RIOK2: variants seen among roughly 807,000 people sequenced by gnomAD.
RIOK2 encodes the protein serine/threonine-protein kinase RIO2.
In RIOK2, 46 loss-of-function variants were observed where a neutral mutation model predicts 62.4. That is an observed-to-expected ratio of 0.74 (90% CI 0.58 to 0.94). The LOEUF (loss-of-function observed/expected upper bound fraction) is 0.94, where lower values mean the gene tolerates loss of function less well. Ranked by LOEUF, RIOK2 falls within the 40% of genes least tolerant of loss-of-function variation. The pLI, the probability that RIOK2 is intolerant of heterozygous loss-of-function variation, is 0.00. For missense variants in RIOK2, 574 were observed against 658.0 expected (o/e 0.87, Z 1.40); for synonymous variants, 197 against 216.0 (o/e 0.91, Z 0.77).
intron 4 of RIOK2, among the ~76,000 whole-genome samples, chr5:97,175,219 T>C (rs566377163): frequency 6.6e-6 from 1 of 152,350 alleles, no homozygotes; most frequent in African/African-American, 2.4e-5. Flanking sequence ...TTGCTTACCT[T>C]CTGTGAACAA....
intron 8 of RIOK2, chr5:97,166,321 T>A (rs1748840674): frequency 2.2e-6 from 1 of 455,978 alleles, no homozygotes; most frequent in African/African-American, 2.0e-5. Flanking sequence ...CTGATTTAAT[T>A]TTCCAAGTTT....
intron 2 of RIOK2, chr5:97,178,799 T>C (rs1453887504): frequency 4.0e-6 from 2 of 497,576 alleles, no homozygotes; most frequent in Non-Finnish European, 7.2e-6. Flanking sequence ...TGCAGTACTC[T>C]ACGTGCTCTT....
intron 3 of RIOK2, 29 bp from the exon 4 acceptor site, chr5:97,177,320 T>C (rs1174033443): frequency 2.6e-6 from 4 of 1,561,846 alleles, no homozygotes; most frequent in Non-Finnish European, 3.5e-6. Context: ...AAACAACCAT[T>C]ATTACACGTT....
Position 97,171,916 on chromosome 5 carries a change from G to T in RIOK2, c.588-519C>A, listed in dbSNP as rs192895687. On this transcript the variant is annotated intron_variant, in intron 5 of 9. Transcript: ENST00000283109. ...AGATCACCCTTGTTGAGACTACAAT[G>T]ACTTCAATGTTGCTAAATCCAAAGG... Among the ~76,000 whole-genome samples the T allele has an allele frequency of 3.8e-3, 581 of 152,250 alleles. 3 individuals carry two copies. The highest frequency in any genetic ancestry group is 6.8e-3 in the Middle Eastern group (2 of 294).
intron 8 of RIOK2, chr5:97,167,013 T>A (rs1186922203): frequency 4.3e-6 from 2 of 468,918 alleles, no homozygotes; most frequent in African/African-American, 4.3e-5. Flanking sequence ...GCCTCCCAGG[T>A]TCAAGTGATT....
rs749282395 is a variant in RIOK2 at position 97,167,992 on chromosome 5, C to T, written c.873-1G>A. 4.5e-6 allele frequency: 7 copies of T among 1,571,672 alleles called. No individual in the cohort carries two copies. The highest frequency in any genetic ancestry group is 6.0e-6 in the Non-Finnish European group (7 of 1,168,302). On this transcript the variant is annotated splice_acceptor_variant, in intron 7 of 9. Coordinates refer to ENST00000283109, the MANE Select transcript of RIOK2 (RefSeq NM_018343.3). LOFTEE classifies it high-confidence loss of function. ...CTCCACATCAAGAGTGTCTTCTCTCCTAGAAAAAAAAGGCGTCAAGCATAG... is the reference window on the plus strand; with the variant it reads ...CTCCACATCAAGAGTGTCTTCTCTCTTAGAAAAAAAAGGCGTCAAGCATAG...
chr5:97,164,984 G>T, intron 9 of RIOK2, 67 bp downstream of exon 9: 2 of 1,040,866 alleles, frequency 1.9e-6, no homozygotes, highest in South Asian at 1.6e-5. Flanking sequence ...ATTGTTTAAT[G>T]AGACAAGGCA....
chr5:97,179,990 AAAAT>A (rs1344768411), intron 1 of RIOK2, among the ~76,000 whole-genome samples: 2 of 46,286 alleles, frequency 4.3e-5, no homozygotes, highest in South Asian at 6.2e-4. Flanking sequence ...ATATATATAT[AAAAT>A]ATATATATAT....
In RIOK2 at chr5:97,179,989, TAAAA is replaced by T. The variant is rs1404853014; in HGVS notation, c.67-800_67-797del. On this transcript the variant is annotated intron_variant, in intron 1 of 9. Transcript: ENST00000283109. The stretch of plus-strand genomic sequence containing the variant: ...TATATATATATATAATATATATATA[TAAAA>T]TATATATATATTATATATATATAAT... Among the ~76,000 whole-genome samples, 26 of 46,700 alleles carry T rather than the reference TAAAA, an allele frequency of 5.6e-4. 1 individual carries two copies. The highest frequency in any genetic ancestry group is 2.6e-3 in the African/African-American group (24 of 9,382). 30.6% of individuals were successfully genotyped at this position (46,700 alleles called of 152,430 possible).
intron 7 of RIOK2, 67 bp downstream of exon 7, chr5:97,168,693 A>G: frequency 9.9e-7 from 1 of 1,007,502 alleles, no homozygotes; most frequent in Non-Finnish European, 1.4e-6. Context: ...GAAAATGTTA[A>G]TTTTTAGAAA....
chr5:97,177,624 C>A (rs1580276637), intron 3 of RIOK2, 108 bp downstream of exon 3: 1 of 722,282 alleles, frequency 1.4e-6, no homozygotes, highest in Non-Finnish European at 2.3e-6. Context: ...AACTTTCCAA[C>A]TTACTGTTTA....
rs112201709 is a variant in RIOK2, at chr5:97,167,797, C to T, written c.1067G>A (p.Arg356Gln). 6.1e-5 allele frequency: 99 copies of T among 1,614,126 alleles called. No individual in the cohort carries two copies. Among genetic ancestry groups the T allele is most frequent in the Non-Finnish European group, 6.7e-5 (79 of 1,179,996 alleles). Residue 356 changes from arginine to glutamine, a missense_variant, in exon 8 of 10, where the codon CGG (arginine) becomes CAG (glutamine). Transcript: ENST00000283109. ...GCCCTCTGATTCTTCTAGACAGTTCCGTTCACTTTCATTTTCTGACCCGTA... is the reference window on the plus strand; with the variant it reads ...GCCCTCTGATTCTTCTAGACAGTTCTGTTCACTTTCATTTTCTGACCCGTA... ...EVYGSENESE[R>Q]NCLEESEGCY...
intron 1 of RIOK2, among the ~76,000 whole-genome samples, chr5:97,181,437 G>C (rs562029727): frequency 3.3e-5 from 5 of 152,142 alleles, no homozygotes; most frequent in Non-Finnish European, 7.3e-5. Context: ...GAAAAGGAAT[G>C]TTTGGGAGCA....
In RIOK2 at chr5:97,171,263, T is replaced by TG. The variant is rs1561517985; in HGVS notation, c.721dup (p.His241ProfsTer6). ...CTGTGGAAAATCAATCATGGTGATA[T>TG]GGTCACTTTCATCCAAAATGAGATT... On this transcript the variant is annotated frameshift_variant, in exon 6 of 10. Coordinates refer to ENST00000283109, the MANE Select transcript of RIOK2 (RefSeq NM_018343.3). LOFTEE classifies it high-confidence loss of function. The TG allele has an allele frequency of 1.2e-6, 2 of 1,604,874 alleles. No individual in the cohort carries two copies. The highest frequency in any genetic ancestry group is 1.7e-6 in the Non-Finnish European group (2 of 1,175,430).
rs1007237764 is a variant in RIOK2, at chr5:97,182,703, T to C, written c.66+423A>G. The C allele has an allele frequency of 2.8e-5, 6 of 215,776 alleles. 1 individual carries two copies. In the South Asian group the frequency reaches 4.0e-4, roughly 15 times the overall value. The allele number at this position is 215,776 out of a possible 1,614,324, so 13.4% of individuals were successfully genotyped here. On this transcript the variant is annotated intron_variant, in intron 1 of 9. Transcript: ENST00000283109. Reference sequence around the variant, plus strand: ...GTTGCTACTAAAAAACCGACAAATATGTGTTGACTGAATGAATCAGAAAGA... The same window carrying C: ...GTTGCTACTAAAAAACCGACAAATACGTGTTGACTGAATGAATCAGAAAGA...
intron 3 of RIOK2, 25 bp from the exon 4 acceptor site, chr5:97,177,316 C>A: frequency 6.3e-7 from 1 of 1,580,128 alleles, no homozygotes; most frequent in Non-Finnish European, 8.6e-7. Context: ...TCAAAAACAA[C>A]CATTATTACA....
At chr5:97,179,772 T>C (rs1212066798) in intron 1 of RIOK2, among the ~76,000 whole-genome samples, 1 of 88,360 alleles carries the variant, frequency 1.1e-5, no homozygotes, top group Non-Finnish European at 1.9e-5. Context: ...TAAGAATACG[T>C]GGACACAGAA....
intron 1 of RIOK2, chr5:97,182,924 T>C (rs534088605): frequency 5.4e-4 from 351 of 655,506 alleles, no homozygotes; most frequent in Non-Finnish European, 7.9e-4. Context: ...GACGGGACCT[T>C]TGCTCTATCT....
At chr5:97,178,388 ACATGCTCTT>A (rs144999327) in intron 2 of RIOK2, among the ~76,000 whole-genome samples, 2,899 of 150,962 alleles carry the variant, frequency 0.019, 39 homozygotes, top group Non-Finnish European at 0.027. Context: ...TGCAGTACCT[ACATGCTCTT>A]CATGCTCTTC....
Sources: gnomAD v4.1 joint callset for allele counts (sites outside exome capture counted in the v4.1 genomes callset) on GRCh38, gnomAD v4.1.1 for gene constraint, MANE v1.5 for transcripts, NCBI Gene and HGNC (gene_info 2026-07-23, HGNC 2026-07-21) for gene names.